Variants in PTPRT observed in about 807,000 individuals in gnomAD.
The protein encoded by PTPRT is protein tyrosine phosphatase receptor type T, also known as receptor-type tyrosine-protein phosphatase T.
PTPRT carries 56 observed loss-of-function variants against 176.8 expected under a neutral mutation model. That is an observed-to-expected ratio of 0.32 (90% CI 0.26 to 0.40). PTPRT has a LOEUF of 0.40. Among genes scored for constraint, PTPRT ranks in the 10% least tolerant of loss-of-function variants. The pLI, the probability that PTPRT is intolerant of heterozygous loss-of-function variation, is 1.00. For synonymous variants in PTPRT, 783 were observed against 739.0 expected (o/e 1.06, Z -0.96); for missense variants, 1,540 against 1,908.2 (o/e 0.81, Z 3.60).
At chr20:43,127,469 A>G (rs1568801082) in intron 1 of PTPRT, among the ~76,000 whole-genome samples, 1 of 151,330 alleles carries the variant, frequency 6.6e-6, no homozygotes, top group African/African-American at 2.4e-5. Context: ...GCCAGGAAAC[A>G]TCACCACCCT....
At chr20:42,351,830 G>T (rs1724273060) in intron 10 of PTPRT, among the ~76,000 whole-genome samples, 1 of 152,194 alleles carries the variant, frequency 6.6e-6, no homozygotes, top group Admixed American at 6.5e-5. Flanking sequence ...ACACACACGT[G>T]TACTATTTAA....
intron 1 of PTPRT, among the ~76,000 whole-genome samples, chr20:42,908,020 A>C (rs1417778744): frequency 2.0e-5 from 3 of 152,126 alleles, no homozygotes; most frequent in East Asian, 1.9e-4. Flanking sequence ...TAACAGTCTG[A>C]AAGTCGGTGA....
chr20:42,247,460 A>T (rs1004087747), intron 14 of PTPRT, among the ~76,000 whole-genome samples: 1 of 151,782 alleles, frequency 6.6e-6, no homozygotes, highest in Admixed American at 6.5e-5. Context: ...AGGAGCTGGA[A>T]TTAGTTGTTA....
At chr20:42,721,134 T>A (rs888759401) in intron 6 of PTPRT, among the ~76,000 whole-genome samples, 8 of 152,284 alleles carry the variant, frequency 5.3e-5, no homozygotes, top group Admixed American at 1.3e-4. Flanking sequence ...GGAGTTTGCA[T>A]GTTCAAGGGT....
intron 2 of PTPRT, among the ~76,000 whole-genome samples, chr20:42,831,965 G>A (rs2078097030): frequency 1.3e-5 from 2 of 152,128 alleles, no homozygotes; most frequent in African/African-American, 4.8e-5. Context: ...GGAAAACAAT[G>A]TGGTGATTCC....
chr20:42,309,310 C>A (rs1229717855), intron 12 of PTPRT, among the ~76,000 whole-genome samples: 1 of 152,130 alleles, frequency 6.6e-6, no homozygotes, highest in African/African-American at 2.4e-5. Context: ...TTCAGCAGAC[C>A]TCATTCTGGG....
At chr20:42,711,700 T>C (rs1341043490) in intron 6 of PTPRT, among the ~76,000 whole-genome samples, 1 of 151,986 alleles carries the variant, frequency 6.6e-6, no homozygotes, top group Non-Finnish European at 1.5e-5. Context: ...ATGTATAGAG[T>C]AGAGCCCTAT....
At chr20:42,453,825 C>T (rs1230220781) in intron 8 of PTPRT, among the ~76,000 whole-genome samples, 2 of 142,138 alleles carry the variant, frequency 1.4e-5, no homozygotes, top group Non-Finnish European at 3.0e-5. Flanking sequence ...CACCCATGAC[C>T]ACGCCCGGCT....
intron 1 of PTPRT, among the ~76,000 whole-genome samples, chr20:43,155,161 T>C (rs1327922723): frequency 6.6e-6 from 1 of 152,154 alleles, no homozygotes; most frequent in African/African-American, 2.4e-5. Flanking sequence ...ATATTAAAAA[T>C]AGAACTGCCA....
At chr20:42,482,119 C>G (rs1391290386) in intron 7 of PTPRT, among the ~76,000 whole-genome samples, 2 of 151,974 alleles carry the variant, frequency 1.3e-5, no homozygotes, top group Non-Finnish European at 2.9e-5. Flanking sequence ...TAGGATTAAA[C>G]CAGGTAAAGG....
Position 42,106,863 on chromosome 20 carries a change from C to G in PTPRT, c.3313G>C (p.Glu1105Gln), listed in dbSNP as rs763584414. Residue 1105 changes from glutamate (E) to glutamine (Q), a missense_variant, in exon 24 of 31, where the codon GAG (glutamate) becomes CAG (glutamine). Physicochemically the swap from Glu to Gln is conservative, Grantham distance 29. Transcript: ENST00000373187. ...AAGATGTCCACCACCCCTTCATTCT[C>G]GGCCATGTCAAGCATGGTGTCAATG... ...IAIDTMLDMAENEGVVDIFNC... is the reference protein window; with the variant it reads ...IAIDTMLDMAQNEGVVDIFNC... 1 of 1,614,144 alleles carries G rather than the reference C, an allele frequency of 6.2e-7. No homozygotes were observed. The highest frequency in any genetic ancestry group is 8.5e-7 in the Non-Finnish European group (1 of 1,180,022).
intron 1 of PTPRT, among the ~76,000 whole-genome samples, chr20:43,106,010 G>A (rs1407069964): frequency 6.6e-6 from 1 of 152,134 alleles, no homozygotes; most frequent in Non-Finnish European, 1.5e-5. Context: ...TTCAGGGGGT[G>A]AGGGGCAGGT....
intron 6 of PTPRT, among the ~76,000 whole-genome samples, chr20:42,686,977 G>T (rs2075707695): frequency 6.6e-6 from 1 of 152,132 alleles, no homozygotes; most frequent in South Asian, 2.1e-4. Flanking sequence ...TGTCTAAACT[G>T]CCTCACCTGT....
rs1412475762 is a variant in PTPRT, at chr20:42,472,444, C to G, written c.1272G>C (p.Val424=). The G allele has an allele frequency of 3.7e-6, 6 of 1,614,138 alleles. No individual in the cohort carries two copies. The highest frequency in any genetic ancestry group is 5.1e-6 in the Non-Finnish European group (6 of 1,180,058). ...GCTGGTTGAACACATACTGGTACTG[C>G]ACGGTGAGGTTGTAGCTATGGCAGC... is the stretch of plus-strand genomic sequence containing the variant. The part of the protein sequence containing the change: ...VTRCHSYNLT[V]QYQYVFNQQQ... The change falls in exon 8 of 31, where the codon GTG becomes GTC. Residue 424 remains valine (V), a synonymous_variant. Coordinates refer to ENST00000373187, the MANE Select transcript of PTPRT (RefSeq NM_007050.6).
intron 1 of PTPRT, among the ~76,000 whole-genome samples, chr20:42,911,864 G>A (rs1372381790): frequency 6.6e-6 from 1 of 151,484 alleles, no homozygotes; most frequent in African/African-American, 2.4e-5. Context: ...TGCTTTTAAA[G>A]TACATTACAG....
intron 1 of PTPRT, among the ~76,000 whole-genome samples, chr20:43,152,952 C>T (rs112947907): frequency 0.027 from 4,097 of 152,208 alleles, 86 homozygotes; most frequent in Non-Finnish European, 0.039. Flanking sequence ...ACTTGTTCTA[C>T]ATTTTTACCC....
At chr20:42,620,085 G>T (rs1253495747) in intron 7 of PTPRT, among the ~76,000 whole-genome samples, 1 of 147,432 alleles carries the variant, frequency 6.8e-6, no homozygotes, top group African/African-American at 2.6e-5. Flanking sequence ...TCTACTTTTG[G>T]TCTTTGATGA....
intron 1 of PTPRT, among the ~76,000 whole-genome samples, chr20:43,102,646 C>A (rs2012442458): frequency 6.6e-6 from 1 of 152,142 alleles, no homozygotes; most frequent in Non-Finnish European, 1.5e-5. Flanking sequence ...GCAGAGCAGG[C>A]TGGAAGTGAC....
intron 16 of PTPRT, among the ~76,000 whole-genome samples, chr20:42,165,580 T>G (rs2146521339): frequency 6.6e-6 from 1 of 152,388 alleles, no homozygotes; most frequent in East Asian, 1.9e-4. Flanking sequence ...AATAGAACTT[T>G]CCACAACAAT....
Sources: allele counts gnomAD v4.1 joint callset (sites outside exome capture counted in the v4.1 genomes callset), GRCh38; gene constraint gnomAD v4.1.1; transcripts MANE v1.5; gene names NCBI Gene and HGNC (gene_info 2026-07-23, HGNC 2026-07-21).